SPRY1: variants seen among roughly 807,000 people sequenced by gnomAD.
SPRY1 encodes the protein protein sprouty homolog 1.
SPRY1 carries 20 observed loss-of-function variants against 22.6 expected under a neutral mutation model. That is an observed-to-expected ratio of 0.89 (90% confidence interval 0.62 to 1.29). The LOEUF (loss-of-function observed/expected upper bound fraction) is 1.29. Ranked by LOEUF, SPRY1 falls within the 50% of genes most tolerant of loss-of-function variation. SPRY1 has a pLI of 0.00. For synonymous variants in SPRY1, 155 were observed against 144.7 expected (o/e 1.07, Z -0.51); for missense variants, 446 against 387.7 (o/e 1.15, Z -1.26).
In SPRY1 at chr4:123,401,677, A is replaced by C. The variant is rs141161959; in HGVS notation, c.86A>C (p.Tyr29Ser). 3 of 1,614,160 alleles carry C rather than the reference A, an allele frequency of 1.9e-6. No homozygotes were observed. The Middle Eastern group carries it at 4.9e-4, about 266-fold the overall frequency. Residue 29 changes from tyrosine (Y) to serine (S), a missense_variant, in exon 3 of 3, where the codon TAT becomes TCT. Tyr to Ser is a moderately radical substitution (Grantham distance 144). Coordinates refer to ENST00000651917, the MANE Select transcript of SPRY1 (RefSeq NM_001258038.2). Reference protein sequence around the residue: ...PSLDSRQRLDYEREIQPTAIL... With the variant: ...PSLDSRQRLDSEREIQPTAIL... ...TTGGATAGCCGTCAGAGATTAGACT[A>C]TGAGAGAGAGATTCAGCCTACTGCT...
In SPRY1 at chr4:123,401,850, A is replaced by G. The variant is rs373671065; in HGVS notation, c.259A>G (p.Asn87Asp). The change falls in exon 3 of 3, where the codon AAT becomes GAT. Residue 87 changes from asparagine to aspartate, a missense_variant. Coordinates refer to ENST00000651917, the MANE Select transcript of SPRY1 (RefSeq NM_001258038.2). ...TGAAATCATACCAATTAATGTGAAT[A>G]ATAACTACGAGCACAGACACACAAG... ...THEIIPINVN[N>D]NYEHRHTSHL... The G allele has an allele frequency of 4.3e-6, 7 of 1,614,118 alleles. No individual in the cohort carries two copies. Among genetic ancestry groups the G allele is most frequent in the African/African-American group, 1.3e-5 (1 of 74,938 alleles).
At chr4:123,398,059 C>T (rs1237798200) in intron 2 of SPRY1, 3 of 152,216 alleles carry the variant, frequency 2.0e-5, no homozygotes, top group Non-Finnish European at 4.4e-5. Context: ...TCCTTCGTTC[C>T]TTGCGAGGAG....
chr4:123,398,777 C>T (rs1175324547), intron 2 of SPRY1, among the ~76,000 whole-genome samples: 1 of 152,152 alleles, frequency 6.6e-6, no homozygotes, highest in African/African-American at 2.4e-5. Context: ...ACAGGGTCTC[C>T]TCCATCCCCG....
chr4:123,400,007 T>A (rs1725084762), intron 2 of SPRY1: 2 of 152,228 alleles, frequency 1.3e-5, no homozygotes, highest in African/African-American at 4.8e-5. Flanking sequence ...AAATGCAAAT[T>A]GAAGTTGTGC....
chr4:123,401,914 G>A lies in SPRY1; in HGVS notation c.323G>A (p.Gly108Asp). 2 of 1,614,146 alleles carry A rather than the reference G, an allele frequency of 1.2e-6. No homozygotes were observed. Among genetic ancestry groups the A allele is most frequent in the South Asian group, 1.1e-5 (1 of 91,074 alleles). Residue 108 changes from glycine (G) to aspartate (D), a missense_variant, in exon 3 of 3, where the codon GGC becomes GAC. By Grantham distance (94) the Gly-to-Asp change is moderately conservative. Coordinates refer to ENST00000651917, the MANE Select transcript of SPRY1 (RefSeq NM_001258038.2). ...GHAVLPSNARGPILSRSTSTG... is the reference protein window; with the variant it reads ...GHAVLPSNARDPILSRSTSTG... ...GCAGTACTCCCAAGTAATGCCAGGG[G>A]CCCCATTTTGAGCAGATCAACCAGC... is the stretch of plus-strand genomic sequence containing the variant.
At position 123,403,101 on chromosome 4, in the gene SPRY1, C is replaced by T; in HGVS notation, c.*550C>T. On this transcript the variant is annotated 3_prime_UTR_variant, in exon 3 of 3. Coordinates refer to ENST00000651917, the MANE Select transcript of SPRY1 (RefSeq NM_001258038.2). ...CACTGCCCTCTCCTTCTTTCTCCTT[C>T]AAGGTTCTTTCCCCCTCAGTTTTGT... The T allele has an allele frequency of 3.3e-6, 1 of 303,662 alleles. No homozygotes were observed. The highest frequency in any genetic ancestry group is 6.3e-6 in the Non-Finnish European group (1 of 157,956). 18.8% of individuals were successfully genotyped at this position (303,662 alleles called of 1,614,324 possible).
Position 123,402,757 on chromosome 4 carries a change from C to T in SPRY1, c.*206C>T, listed in dbSNP as rs1579160593. On this transcript the variant is annotated 3_prime_UTR_variant, in exon 3 of 3. Coordinates refer to ENST00000651917, the MANE Select transcript of SPRY1 (RefSeq NM_001258038.2). The stretch of plus-strand genomic sequence containing the variant: ...GGACTGGGAAGCTGCACCTGGCTCC[C>T]ACTTTCAACAAGAGCCTCTGCCATC... 1.5e-6 allele frequency: 1 copy of T among 650,444 alleles called. No homozygotes were observed. The highest frequency in any genetic ancestry group is 3.2e-5 in the Admixed American group (1 of 31,054). 40.3% of individuals were successfully genotyped at this position (650,444 alleles called of 1,614,324 possible).
intron 2 of SPRY1, among the ~76,000 whole-genome samples, chr4:123,399,166 C>T (rs558688414): frequency 6.6e-6 from 1 of 152,198 alleles, no homozygotes; most frequent in Admixed American, 6.5e-5. Context: ...CACCTGAGGT[C>T]AGGAGTTCGA....
At chr4:123,401,076 C>T (rs980682941) in intron 2 of SPRY1, among the ~76,000 whole-genome samples, 1 of 152,044 alleles carries the variant, frequency 6.6e-6, no homozygotes, top group Admixed American at 6.5e-5. Flanking sequence ...TAACAGCACA[C>T]AACAAAAAGG....
chr4:123,401,714 A>C lies in SPRY1; in HGVS notation c.123A>C (p.Leu41Phe). 1 of 1,614,234 alleles carries C rather than the reference A, an allele frequency of 6.2e-7. No individual in the cohort carries two copies. Among genetic ancestry groups the C allele is most frequent in the Non-Finnish European group, 8.5e-7 (1 of 1,180,038 alleles). Residue 41 changes from leucine to phenylalanine, a missense_variant, in exon 3 of 3, where the codon TTA (leucine) becomes TTC (phenylalanine). Coordinates refer to ENST00000651917, the MANE Select transcript of SPRY1 (RefSeq NM_001258038.2). ...REIQPTAILS[L>F]DQIKAIRGSN... ...TTCAGCCTACTGCTATTTTGTCCTT[A>C]GACCAGATCAAGGCCATAAGAGGCA...
Position 123,402,333 on chromosome 4 carries a change from T to C in SPRY1, c.742T>C (p.Cys248Arg), listed in dbSNP as rs752212870. ...TTCCTATTCAGATAATCCTTGCTCCTGTTCACAATCACACTGCTGCTCTAG... is the reference window on the plus strand; with the variant it reads ...TTCCTATTCAGATAATCCTTGCTCCCGTTCACAATCACACTGCTGCTCTAG... ...GDSYSDNPCS[C>R]SQSHCCSRYL... is the part of the protein sequence containing the mutation. The change falls in exon 3 of 3, where the codon TGT becomes CGT. Residue 248 changes from cysteine to arginine, a missense_variant. Physicochemically the swap from Cys to Arg is radical, Grantham distance 180. Coordinates refer to ENST00000651917, the MANE Select transcript of SPRY1 (RefSeq NM_001258038.2). 17 of 1,614,132 alleles carry C rather than the reference T, an allele frequency of 1.1e-5. No individual in the cohort carries two copies. The highest frequency in any genetic ancestry group is 1.4e-5 in the Non-Finnish European group (16 of 1,180,050).
chr4:123,399,114 C>T (rs1725040142), intron 2 of SPRY1, among the ~76,000 whole-genome samples: 1 of 138,620 alleles, frequency 7.2e-6, no homozygotes, highest in Non-Finnish European at 1.6e-5. Flanking sequence ...CGGTGGCTCA[C>T]GCCTGTAATC....
chr4:123,401,919 A>G lies in SPRY1; in HGVS notation c.328A>G (p.Ile110Val), dbSNP rs1412044700. Reference protein sequence around the residue: ...AVLPSNARGPILSRSTSTGSA... With the variant: ...AVLPSNARGPVLSRSTSTGSA... Reference sequence around the variant, plus strand: ...ACTCCCAAGTAATGCCAGGGGCCCCATTTTGAGCAGATCAACCAGCACTGG... The same window carrying G: ...ACTCCCAAGTAATGCCAGGGGCCCCGTTTTGAGCAGATCAACCAGCACTGG... Residue 110 changes from isoleucine (I) to valine (V), a missense_variant, in exon 3 of 3, where the codon ATT becomes GTT. Transcript: ENST00000651917. 1.2e-6 allele frequency: 2 copies of G among 1,614,070 alleles called. No individual in the cohort carries two copies. Among genetic ancestry groups the G allele is most frequent in the Non-Finnish European group, 1.7e-6 (2 of 1,180,030 alleles).
At position 123,402,316 on chromosome 4, in the gene SPRY1, C is replaced by G; in HGVS notation, c.725C>G (p.Ser242Ter). 6.2e-7 allele frequency: 1 copy of G among 1,614,222 alleles called. No homozygotes were observed. The highest frequency in any genetic ancestry group is 2.2e-5 in the East Asian group (1 of 44,892). ...AATGACGACGAAGGGGATTCCTATT[C>G]AGATAATCCTTGCTCCTGTTCACAA... Reference protein sequence around the residue: ...CSNDDEGDSYSDNPCSCSQSH... With the variant: ...CSNDDEGDSY Residue 242 changes from serine (S) to a stop codon, truncating the protein, a stop_gained, in exon 3 of 3, where the codon TCA (serine) becomes TGA (stop). Transcript: ENST00000651917. LOFTEE classifies it high-confidence loss of function.
chr4:123,403,425 T>A lies in SPRY1; in HGVS notation c.*874T>A, dbSNP rs979100172. ...GATCTTGGCTCCTTAATGGTCCTTT[T>A]GGCCCCTTGGATAGTTAACAGCTGA... On this transcript the variant is annotated 3_prime_UTR_variant, in exon 3 of 3. Coordinates refer to ENST00000651917, the MANE Select transcript of SPRY1 (RefSeq NM_001258038.2). The A allele has an allele frequency of 6.0e-6, 1 of 167,136 alleles. No homozygotes were observed. Among genetic ancestry groups the A allele is most frequent in the Non-Finnish European group, 1.5e-5 (1 of 68,132 alleles). 10.4% of individuals were successfully genotyped at this position (167,136 alleles called of 1,614,324 possible).
rs965101263 is a variant in SPRY1 at position 123,402,233 on chromosome 4, C to T, written c.642C>T (p.Ser214=). ...GGCAGTGCCTTTGCTCTGCTGAGAG[C>T]ATGGTGGAATATGGAACCTGCATGT... ...CNRQCLCSAE[S]MVEYGTCMCL... The change falls in exon 3 of 3, where the codon AGC becomes AGT. Residue 214 remains serine, a synonymous_variant. Coordinates refer to ENST00000651917, the MANE Select transcript of SPRY1 (RefSeq NM_001258038.2). 1 of 1,614,122 alleles carries T rather than the reference C, an allele frequency of 6.2e-7. No homozygotes were observed. The highest frequency in any genetic ancestry group is 1.3e-5 in the African/African-American group (1 of 74,944).
chr4:123,402,942 A>C lies in SPRY1; in HGVS notation c.*391A>C. ...TGGGAGCAGGGAAATTGGTTTTTTA[A>C]AAAGCAACTGTTTAATTGCTTAAAT... On this transcript the variant is annotated 3_prime_UTR_variant, in exon 3 of 3. Coordinates refer to ENST00000651917, the MANE Select transcript of SPRY1 (RefSeq NM_001258038.2). 1 of 429,902 alleles carries C rather than the reference A, an allele frequency of 2.3e-6. No homozygotes were observed. Among genetic ancestry groups the C allele is most frequent in the South Asian group, 1.1e-4 (1 of 9,440 alleles). 26.6% of individuals were successfully genotyped at this position (429,902 alleles called of 1,614,324 possible).
chr4:123,400,119 C>A (rs1486413573), intron 2 of SPRY1: 1 of 152,068 alleles, frequency 6.6e-6, no homozygotes, highest in Non-Finnish European at 1.5e-5. Context: ...TTAAGAAGTT[C>A]TTGAAGAAGA....
At position 123,399,065 on chromosome 4, in the gene SPRY1, G is replaced by A. The variant is rs904517317; in HGVS notation, c.-56+1209G>A. Among the ~76,000 whole-genome samples the A allele has an allele frequency of 2.0e-5, 3 of 152,154 alleles. No homozygotes were observed. In the East Asian group the frequency reaches 5.8e-4, roughly 29 times the overall value. On this transcript the variant is annotated intron_variant, in intron 2 of 2. Transcript: ENST00000651917. ...CAGTGCAAAGACAGGGGAAGGGAGA[G>A]GGCACTGCCACTTTAAAAGTGGGGA...
Sources: gnomAD v4.1 joint callset for allele counts (sites outside exome capture counted in the v4.1 genomes callset) on GRCh38, gnomAD v4.1.1 for gene constraint, MANE v1.5 for transcripts, NCBI Gene and HGNC (gene_info 2026-07-23, HGNC 2026-07-21) for gene names.